DCHS2: variants seen among roughly 807,000 people sequenced by gnomAD.
DCHS2 encodes dachsous cadherin-related 2.
A neutral mutation model predicts 182.4 loss-of-function variants in DCHS2; 142 were observed. The ratio of observed to expected loss-of-function variants is 0.78; its 90% CI spans 0.68 to 0.89. DCHS2 has a LOEUF of 0.89. Among genes scored for constraint, DCHS2 ranks in the 40% least tolerant of loss-of-function variants. The pLI is 0.00. For missense variants in DCHS2, 4,319 were observed against 4,198.6 expected, an observed-to-expected ratio of 1.03 and a Z score of -0.79; for synonymous variants, 1,740 against 1,663.3, an observed-to-expected ratio of 1.05 and a Z score of -1.12.
chr4:154,234,550 C>T lies in DCHS2; in HGVS notation c.10102G>A (p.Glu3368Lys). Reference sequence around the variant, plus strand: ...TCCCAGTGGTTTCATATTTGAACTTCATCTTCTGCTTTAAGTTCATGGCAT... The same window carrying T: ...TCCCAGTGGTTTCATATTTGAACTTTATCTTCTGCTTTAAGTTCATGGCAT... ...GTCHELKAEDEVQI is the reference protein window; with the variant it reads ...GTCHELKAEDKVQI Residue 3368 changes from glutamate (E) to lysine (K), a missense_variant, in exon 20 of 20, where the codon GAA becomes AAA. Physicochemically the swap from Glu to Lys is moderately conservative, Grantham distance 56. Coordinates refer to ENST00000357232, the MANE Select transcript of DCHS2 (RefSeq NM_001358235.2). 1 of 1,608,110 alleles carries T rather than the reference C, an allele frequency of 6.2e-7. No individual in the cohort carries two copies. The highest frequency in any genetic ancestry group is 8.5e-7 in the Non-Finnish European group (1 of 1,176,260).
chr4:154,304,743 G>T lies in DCHS2; in HGVS notation c.5531C>A (p.Pro1844Gln), dbSNP rs1334991054. Reference sequence around the variant, plus strand: ...GGCTAAAACCGTATAGACAACCTCTGGTTCCTGGTTTTCCAGAACCTCAAT... The same window carrying T: ...GGCTAAAACCGTATAGACAACCTCTTGTTCCTGGTTTTCCAGAACCTCAAT... Reference protein sequence around the residue: ...YDIEVLENQEPEVVYTVLASD... With the variant: ...YDIEVLENQEQEVVYTVLASD... Residue 1844 changes from proline to glutamine, a missense_variant, in exon 12 of 20, where the codon CCA becomes CAA. Coordinates refer to ENST00000357232, the MANE Select transcript of DCHS2 (RefSeq NM_001358235.2). 1 of 1,614,024 alleles carries T rather than the reference G, an allele frequency of 6.2e-7. No homozygotes were observed. Among genetic ancestry groups the T allele is most frequent in the Non-Finnish European group, 8.5e-7 (1 of 1,179,972 alleles).
chr4:154,384,552 G>A, intron 1 of DCHS2: 1 of 1,534,772 alleles, frequency 6.5e-7, no homozygotes, highest in South Asian at 1.2e-5. Flanking sequence ...TCTCTTATTT[G>A]ATAAAGTAGT....
At position 154,235,751 on chromosome 4, in the gene DCHS2, G is replaced by T. The variant is rs539466761; in HGVS notation, c.8901C>A (p.Ser2967=). The change falls in exon 20 of 20, where the codon TCC becomes TCA. Residue 2967 remains serine (S), a synonymous_variant. Transcript: ENST00000357232. ...CAAAAACAGTGCAAGATGCAAACTT[G>T]GAATCTGATTTGGGACTATGAGCGA... ...KIIAHSPKSD[S]KFASCTVFVN... 1 of 1,614,050 alleles carries T rather than the reference G, an allele frequency of 6.2e-7. No homozygotes were observed. Among genetic ancestry groups the T allele is most frequent in the Admixed American group, 1.7e-5 (1 of 59,996 alleles).
intron 3 of DCHS2, among the ~76,000 whole-genome samples, chr4:154,359,727 GA>G (rs1730030212): frequency 6.6e-6 from 1 of 151,944 alleles, no homozygotes; most frequent in African/African-American, 2.4e-5. Flanking sequence ...AGTATTGGCT[GA>G]AAAAACTAGA....
chr4:154,349,121 T>G (rs1578994823), intron 3 of DCHS2, among the ~76,000 whole-genome samples: 1 of 151,964 alleles, frequency 6.6e-6, no homozygotes, highest in African/African-American at 2.4e-5. Flanking sequence ...TTAATTGGCT[T>G]TTATTTGCAA....
At chr4:154,465,057 C>T (rs924612779) in intron 1 of DCHS2, among the ~76,000 whole-genome samples, 2 of 152,214 alleles carry the variant, frequency 1.3e-5, no homozygotes, top group Non-Finnish European at 2.9e-5. Context: ...CTGCATACAA[C>T]ATTATTCCAA....
chr4:154,391,235 C>T, intron 1 of DCHS2: 1 of 1,613,396 alleles, frequency 6.2e-7, no homozygotes, highest in Non-Finnish European at 8.5e-7. Context: ...TTTCAAACTG[C>T]TGAGTAAACA....
chr4:154,472,332 A>G (rs2111020387), intron 1 of DCHS2, among the ~76,000 whole-genome samples: 1 of 152,352 alleles, frequency 6.6e-6, no homozygotes, highest in Middle Eastern at 3.4e-3. Context: ...TAAATCTCAT[A>G]ATAATAAAAG....
rs953371287 is a variant in DCHS2 at position 154,437,885 on chromosome 4, C to T, written c.2052+51419G>A. ...ATTTGAGTATTATTTCTAAAATTAC[C>T]CCCTAACTGGGCATGATGGCTCATG... On this transcript the variant is annotated intron_variant, in intron 1 of 19. Transcript: ENST00000357232. 3.3e-5 allele frequency among the ~76,000 whole-genome samples: 5 copies of T among 152,054 alleles called. 1 individual carries two copies. Among genetic ancestry groups the T allele is most frequent in the Middle Eastern group, 6.8e-3 (2 of 292 alleles).
intron 1 of DCHS2, among the ~76,000 whole-genome samples, chr4:154,444,073 T>C (rs1009360685): frequency 1.3e-5 from 2 of 152,126 alleles, no homozygotes; most frequent in African/African-American, 4.8e-5. Flanking sequence ...CCTCCTTCTG[T>C]TTTGGGATGG....
At chr4:154,390,132 T>C (rs1027815014) in intron 1 of DCHS2, among the ~76,000 whole-genome samples, 1 of 151,762 alleles carries the variant, frequency 6.6e-6, no homozygotes, top group Non-Finnish European at 1.5e-5. Context: ...TTTATTATTA[T>C]ACTTTAAGTT....
rs534256189 is a variant in DCHS2, at chr4:154,360,047, C to T, written c.2476+6163G>A. ...AAGTGCAAGAAGTAAATTCAAGTGTCAGGTTTACTACTGTGTCTTTGAGTA... is the reference window on the plus strand; with the variant it reads ...AAGTGCAAGAAGTAAATTCAAGTGTTAGGTTTACTACTGTGTCTTTGAGTA... On this transcript the variant is annotated intron_variant, in intron 3 of 19. Coordinates refer to ENST00000357232, the MANE Select transcript of DCHS2 (RefSeq NM_001358235.2). Among the ~76,000 whole-genome samples, 204 of 151,944 alleles carry T rather than the reference C, an allele frequency of 1.3e-3. 3 individuals carry two copies. The highest frequency in any genetic ancestry group is 0.011 in the Admixed American group (161 of 15,226).
chr4:154,269,885 G>A lies in DCHS2; in HGVS notation c.6577+15C>T, dbSNP rs761636093. On this transcript the variant is annotated intron_variant, in intron 14 of 19. Coordinates refer to ENST00000357232, the MANE Select transcript of DCHS2 (RefSeq NM_001358235.2). ...GAGCAGAAAATAAAGCTAGTATAGG[G>A]TAGAGAAGGATTACCTGACTTAGAG... 3 of 1,607,280 alleles carry A rather than the reference G, an allele frequency of 1.9e-6. No individual in the cohort carries two copies. Among genetic ancestry groups the A allele is most frequent in the African/African-American group, 1.3e-5 (1 of 74,416 alleles).
Position 154,249,659 on chromosome 4 carries a change from C to T in DCHS2, c.6941+5860G>A, listed in dbSNP as rs147292986. On this transcript the variant is annotated intron_variant, in intron 16 of 19. Coordinates refer to ENST00000357232, the MANE Select transcript of DCHS2 (RefSeq NM_001358235.2). ...GCTATTCACAATAGCAAAAAGGCAA[C>T]CTAGGTGCCTGTTAATGGTGGATTG... 6.9e-3 allele frequency among the ~76,000 whole-genome samples: 1,052 copies of T among 152,168 alleles called. 9 individuals are homozygous for T. Among genetic ancestry groups the T allele is most frequent in the African/African-American group, 0.024 (1,008 of 41,518 alleles).
intron 9 of DCHS2, among the ~76,000 whole-genome samples, chr4:154,318,312 C>T (rs1461190723): frequency 6.6e-6 from 1 of 151,164 alleles, no homozygotes; most frequent in Non-Finnish European, 1.5e-5. Flanking sequence ...ATCTTAAGAA[C>T]CATCATTTTA....
Position 154,490,029 on chromosome 4 carries a change from C to G in DCHS2, c.1327G>C (p.Asp443His). 6.5e-7 allele frequency: 1 copy of G among 1,547,918 alleles called. No individual in the cohort carries two copies. Among genetic ancestry groups the G allele is most frequent in the Non-Finnish European group, 8.7e-7 (1 of 1,146,954 alleles). The change falls in exon 1 of 20, where the codon GAC becomes CAC. Residue 443 changes from aspartate to histidine, a missense_variant. Asp to His is a moderately conservative substitution (Grantham distance 81). Coordinates refer to ENST00000357232, the MANE Select transcript of DCHS2 (RefSeq NM_001358235.2). ...TCCTTCTCCCAGTCACCGTCCGCGTCAGACACCGAGACGCGAGCCACGTAG... is the reference window on the plus strand; with the variant it reads ...TCCTTCTCCCAGTCACCGTCCGCGTGAGACACCGAGACGCGAGCCACGTAG... ...GDYVARVSVS[D>H]ADGDWEKEDE...
At chr4:154,380,510 A>G (rs576312909) in intron 1 of DCHS2, among the ~76,000 whole-genome samples, 1 of 152,174 alleles carries the variant, frequency 6.6e-6, no homozygotes, top group African/African-American at 2.4e-5. Context: ...TCATTGAAAG[A>G]CACATACAAT....
chr4:154,334,767 G>A (rs187470426), intron 4 of DCHS2, 101 bp downstream of exon 4: 47 of 928,402 alleles, frequency 5.1e-5, no homozygotes, highest in African/African-American at 6.6e-5. Context: ...TTTGACTTGC[G>A]TGGAAAGAAG....
At chr4:154,279,305 CAA>C (rs1487666918) in intron 13 of DCHS2, among the ~76,000 whole-genome samples, 2 of 151,482 alleles carry the variant, frequency 1.3e-5, no homozygotes, top group African/African-American at 4.9e-5. Context: ...AGGAAGGTAA[CAA>C]GAGAAGAAAA....
Sources: allele counts gnomAD v4.1 joint callset (sites outside exome capture counted in the v4.1 genomes callset), GRCh38; gene constraint gnomAD v4.1.1; transcripts MANE v1.5; gene names NCBI Gene and HGNC (gene_info 2026-07-23, HGNC 2026-07-21).